Variants in GALNT13 observed in about 807,000 individuals in gnomAD.
GALNT13 encodes the protein polypeptide N-acetylgalactosaminyltransferase 13, also known as UDP-GalNAc:polypeptide N-acetylgalactosaminyltransferase 13.
GALNT13 carries 28 observed loss-of-function variants against 64.2 expected under a neutral mutation model. That is an observed-to-expected ratio of 0.44 (90% CI 0.32 to 0.60). The LOEUF (loss-of-function observed/expected upper bound fraction) is 0.60. GALNT13 is among the 20% of genes least tolerant of loss of function. The pLI is 0.05. For missense variants in GALNT13, 577 were observed against 669.8 expected (o/e 0.86, Z 1.53); for synonymous variants, 214 against 224.6 (o/e 0.95, Z 0.42).
the GALNT13 span, among the ~76,000 whole-genome samples, chr2:153,388,452 T>C: frequency 6.6e-6 from 1 of 151,984 alleles, no homozygotes; most frequent in South Asian, 2.1e-4. Flanking sequence ...ACATGACTAG[T>C]GATGAGGAGT....
intron 11 of GALNT13, among the ~76,000 whole-genome samples, chr2:154,434,881 TAGA>T (rs1227325684): frequency 1.3e-5 from 2 of 152,196 alleles, no homozygotes; most frequent in Non-Finnish European, 2.9e-5. Context: ...AATTGCACAA[TAGA>T]AGAATAGAGC....
At chr2:153,631,907 C>A in the GALNT13 span, among the ~76,000 whole-genome samples, 82 of 152,064 alleles carry the variant, frequency 5.4e-4, no homozygotes, top group African/African-American at 1.9e-3. Flanking sequence ...AATGGTATCG[C>A]CTAGGTTTTC....
At chr2:154,171,993 CACA>C (rs1372987535) in intron 4 of GALNT13, among the ~76,000 whole-genome samples, 2 of 151,552 alleles carry the variant, frequency 1.3e-5, no homozygotes, top group African/African-American at 2.4e-5. Flanking sequence ...CACACACACA[CACA>C]CACACACACA....
At chr2:153,171,166 G>T in the GALNT13 span, among the ~76,000 whole-genome samples, 14 of 152,290 alleles carry the variant, frequency 9.2e-5, no homozygotes, top group African/African-American at 3.4e-4. Flanking sequence ...TGGTCGTCTC[G>T]TTGCCTTTGC....
At chr2:153,719,890 T>G in the GALNT13 span, among the ~76,000 whole-genome samples, 513 of 151,946 alleles carry the variant, frequency 3.4e-3, 3 homozygotes, top group Middle Eastern at 0.01. Flanking sequence ...GGGGAGGGGC[T>G]CCCGCCATTG....
the GALNT13 span, among the ~76,000 whole-genome samples, chr2:153,791,652 T>C: frequency 6.6e-6 from 1 of 152,124 alleles, no homozygotes; most frequent in South Asian, 2.1e-4. Flanking sequence ...CTATTTACGA[T>C]AGCAAAATAT....
the GALNT13 span, among the ~76,000 whole-genome samples, chr2:153,279,187 C>T: frequency 6.6e-6 from 1 of 152,020 alleles, no homozygotes; most frequent in Non-Finnish European, 1.5e-5. Context: ...AGAAATGCTA[C>T]TAATTTTTGT....
chr2:154,145,965 T>C (rs1326508881), intron 4 of GALNT13, among the ~76,000 whole-genome samples: 1 of 151,988 alleles, frequency 6.6e-6, no homozygotes, highest in Admixed American at 6.6e-5. Context: ...TTGAGAATTA[T>C]TGCAACATTT....
At chr2:153,696,953 A>G in the GALNT13 span, among the ~76,000 whole-genome samples, 1 of 152,186 alleles carries the variant, frequency 6.6e-6, no homozygotes. Flanking sequence ...ACACTCTCAA[A>G]AGAACTTATA....
chr2:153,899,328 T>TATGAG lies in GALNT13; in HGVS notation c.-176-1607_-176-1603dup, dbSNP rs1203294559. 4.6e-5 allele frequency among the ~76,000 whole-genome samples: 7 copies of TATGAG among 152,302 alleles called. No individual in the cohort carries two copies. The East Asian group carries it at 1.4e-3, about 29-fold the overall frequency. ...TAGTGTTCACCTCAGTCTTCTTGTC[T>TATGAG]ATGAGGATGAATATGCTAAAGTATG... On this transcript the variant is annotated intron_variant, in intron 1 of 12. Coordinates refer to ENST00000392825, the MANE Select transcript of GALNT13 (RefSeq NM_052917.4).
intron 3 of GALNT13, among the ~76,000 whole-genome samples, chr2:154,048,741 T>C (rs1171477530): frequency 6.6e-6 from 1 of 152,210 alleles, no homozygotes; most frequent in African/African-American, 2.4e-5. Flanking sequence ...ATAACTCAGA[T>C]GTTATCACAA....
the GALNT13 span, among the ~76,000 whole-genome samples, chr2:153,122,170 T>G: frequency 6.6e-6 from 1 of 152,006 alleles, no homozygotes; most frequent in South Asian, 2.1e-4. Context: ...TAAATTATAG[T>G]TCCTCTAGAA....
At chr2:153,915,164 G>A (rs1317227018) in intron 2 of GALNT13, among the ~76,000 whole-genome samples, 2 of 152,106 alleles carry the variant, frequency 1.3e-5, no homozygotes, top group Admixed American at 6.5e-5. Flanking sequence ...AAGGTTTGAT[G>A]GATCATTCTA....
intron 12 of GALNT13, chr2:154,445,825 C>A (rs1165994828): frequency 7.8e-7 from 1 of 1,288,496 alleles, no homozygotes; most frequent in African/African-American, 1.5e-5. Flanking sequence ...CTCCCAAGGG[C>A]AGGCACGGAG....
the GALNT13 span, among the ~76,000 whole-genome samples, chr2:153,394,814 A>T: frequency 6.6e-6 from 1 of 152,168 alleles, no homozygotes; most frequent in Non-Finnish European, 1.5e-5. Flanking sequence ...TAGAGAAAAC[A>T]AATTAATTAC....
chr2:153,623,540 C>T, the GALNT13 span, among the ~76,000 whole-genome samples: 1 of 151,868 alleles, frequency 6.6e-6, no homozygotes, highest in Admixed American at 6.6e-5. Context: ...ACAGCTAAAC[C>T]CAAGCAAGTT....
the GALNT13 span, among the ~76,000 whole-genome samples, chr2:153,860,810 T>C: frequency 6.6e-6 from 1 of 152,208 alleles, no homozygotes; most frequent in African/African-American, 2.4e-5. Flanking sequence ...TGGGAATCTG[T>C]GTGCATATGT....
chr2:153,589,812 A>G, the GALNT13 span, among the ~76,000 whole-genome samples: 24 of 152,104 alleles, frequency 1.6e-4, no homozygotes, highest in Non-Finnish European at 2.9e-4. Flanking sequence ...TGATTCATTT[A>G]CCTCCCACCA....
intron 3 of GALNT13, among the ~76,000 whole-genome samples, chr2:154,134,715 C>A (rs891256495): frequency 6.6e-6 from 1 of 152,266 alleles, no homozygotes; most frequent in Admixed American, 6.5e-5. Context: ...GTACAGGCTG[C>A]GCATGGTGGC....
Sources: gnomAD v4.1 joint callset for allele counts (sites outside exome capture counted in the v4.1 genomes callset) on GRCh38, gnomAD v4.1.1 for gene constraint, MANE v1.5 for transcripts, NCBI Gene and HGNC (gene_info 2026-07-23, HGNC 2026-07-21) for gene names.